The following TMEM178B variants were observed in gnomAD, a reference collection of about 807,000 sequenced individuals.
TMEM178B encodes the protein transmembrane protein 178B.
A neutral mutation model predicts 31.0 loss-of-function variants in TMEM178B; 5 were observed. The observed-to-expected ratio is 0.16, with a 90% CI of 0.08 to 0.34. The LOEUF (loss-of-function observed/expected upper bound fraction) is 0.34, where lower values mean the gene tolerates loss of function less well. Ranked by LOEUF, TMEM178B falls within the 10% of genes least tolerant of loss-of-function variation. The pLI is 1.00. For missense variants in TMEM178B, 275 were observed against 400.3 expected (o/e 0.69, Z 2.67); for synonymous variants, 164 against 164.0 (o/e 1.00, Z 0.00).
At chr7:141,134,288 TG>T (rs1327010348) in intron 1 of TMEM178B, among the ~76,000 whole-genome samples, 6 of 151,422 alleles carry the variant, frequency 4.0e-5, no homozygotes, top group African/African-American at 1.5e-4. Context: ...AACACAACAA[TG>T]TGCAGAAAGG....
chr7:141,384,139 T>C lies in TMEM178B; in HGVS notation c.497-53469T>C, dbSNP rs191878055. On this transcript the variant is annotated intron_variant, in intron 2 of 3. Transcript: ENST00000565468. ...ATTAGCCCTTTGTCAGACGAGTAGA[T>C]TGCAAAAATTTTCTCCCATTTTGTA... Among the ~76,000 whole-genome samples the C allele has an allele frequency of 1.4e-3, 216 of 152,322 alleles. 1 individual carries two copies. The highest frequency in any genetic ancestry group is 2.4e-3 in the Non-Finnish European group (166 of 68,028).
chr7:141,100,481 A>C (rs1795038130), intron 1 of TMEM178B, among the ~76,000 whole-genome samples: 1 of 152,206 alleles, frequency 6.6e-6, no homozygotes, highest in Non-Finnish European at 1.5e-5. Flanking sequence ...TTTGTGGAGG[A>C]GAGACAGGAA....
At chr7:141,424,245 A>G (rs774425782) in intron 2 of TMEM178B, among the ~76,000 whole-genome samples, 2 of 152,202 alleles carry the variant, frequency 1.3e-5, no homozygotes, top group African/African-American at 4.8e-5. Flanking sequence ...AAAGCATCAC[A>G]TGCAAAAAAG....
chr7:141,169,491 C>T (rs572014125), intron 1 of TMEM178B, among the ~76,000 whole-genome samples: 27 of 152,302 alleles, frequency 1.8e-4, no homozygotes, highest in African/African-American at 5.5e-4. Context: ...TTGTGAATCA[C>T]TATTCACAAT....
At chr7:141,176,221 G>A (rs1796431536) in intron 1 of TMEM178B, among the ~76,000 whole-genome samples, 1 of 152,146 alleles carries the variant, frequency 6.6e-6, no homozygotes, top group African/African-American at 2.4e-5. Flanking sequence ...ATAATCATGT[G>A]GTTTTTGTCA....
intron 2 of TMEM178B, among the ~76,000 whole-genome samples, chr7:141,289,491 A>C (rs1662234603): frequency 6.6e-6 from 1 of 152,094 alleles, no homozygotes; most frequent in South Asian, 2.1e-4. Context: ...CGAGGCAGGC[A>C]GATCACATGA....
intron 2 of TMEM178B, among the ~76,000 whole-genome samples, chr7:141,385,114 G>T (rs1331399614): frequency 2.0e-5 from 3 of 152,140 alleles, no homozygotes; most frequent in Non-Finnish European, 4.4e-5. Context: ...AATGTATGTG[G>T]CTTTTAGGTC....
intron 2 of TMEM178B, among the ~76,000 whole-genome samples, chr7:141,289,795 A>G (rs1439302026): frequency 6.6e-6 from 1 of 151,954 alleles, no homozygotes; most frequent in African/African-American, 2.4e-5. Context: ...GGGCTCCCAC[A>G]CAAGGAGAGC....
chr7:141,343,828 C>T (rs146356384), intron 2 of TMEM178B, among the ~76,000 whole-genome samples: 76 of 152,214 alleles, frequency 5.0e-4, no homozygotes, highest in African/African-American at 1.8e-3. Flanking sequence ...GGATTACAGG[C>T]GTGAGCCACC....
intron 1 of TMEM178B, among the ~76,000 whole-genome samples, chr7:141,147,675 G>A (rs1209578569): frequency 6.6e-6 from 1 of 152,286 alleles, no homozygotes; most frequent in African/African-American, 2.4e-5. Context: ...GGAGCCCCAC[G>A]TGGGAGAATG....
At chr7:141,172,020 G>T (rs1440863489) in intron 1 of TMEM178B, among the ~76,000 whole-genome samples, 2 of 152,184 alleles carry the variant, frequency 1.3e-5, no homozygotes, top group Non-Finnish European at 2.9e-5. Flanking sequence ...ACCGTAGTAG[G>T]TGCTTGATAC....
intron 1 of TMEM178B, among the ~76,000 whole-genome samples, chr7:141,153,714 C>G (rs931230278): frequency 6.6e-6 from 1 of 152,002 alleles, no homozygotes. Context: ...ATGTATTGGT[C>G]ACTTGTTTTT....
chr7:141,403,970 C>G (rs981358148), intron 2 of TMEM178B, among the ~76,000 whole-genome samples: 11 of 152,292 alleles, frequency 7.2e-5, no homozygotes, highest in Non-Finnish European at 1.6e-4. Context: ...TGTTAGTTTT[C>G]TAGGGCTGCC....
intron 2 of TMEM178B, among the ~76,000 whole-genome samples, chr7:141,394,658 A>G (rs1800605836): frequency 6.6e-6 from 1 of 152,200 alleles, no homozygotes; most frequent in Non-Finnish European, 1.5e-5. Flanking sequence ...ACAGTCCCTG[A>G]CATAGATATC....
intron 1 of TMEM178B, among the ~76,000 whole-genome samples, chr7:141,183,700 C>T (rs1796565699): frequency 6.6e-6 from 1 of 152,224 alleles, no homozygotes; most frequent in African/African-American, 2.4e-5. Flanking sequence ...CATTTTCTTA[C>T]TTTTCTCAAC....
chr7:141,495,531 A>C, the TMEM178B span, among the ~76,000 whole-genome samples: 1 of 152,200 alleles, frequency 6.6e-6, no homozygotes, highest in Non-Finnish European at 1.5e-5. Context: ...TTAGAGGACA[A>C]CTTGACAATA....
chr7:141,433,022 A>C (rs1801465326), intron 2 of TMEM178B, among the ~76,000 whole-genome samples: 1 of 152,234 alleles, frequency 6.6e-6, no homozygotes, highest in African/African-American at 2.4e-5. Context: ...AGCTGGGATC[A>C]ATGCTAAAAC....
At chr7:141,305,450 T>C (rs920898994) in intron 2 of TMEM178B, among the ~76,000 whole-genome samples, 2 of 151,618 alleles carry the variant, frequency 1.3e-5, no homozygotes, top group Admixed American at 1.3e-4. Flanking sequence ...TTTTTTGAGA[T>C]GGAGTCTCAC....
At chr7:141,224,647 G>C (rs961062339) in intron 2 of TMEM178B, among the ~76,000 whole-genome samples, 2 of 152,188 alleles carry the variant, frequency 1.3e-5, no homozygotes, top group Non-Finnish European at 2.9e-5. Flanking sequence ...ATTTACCCAA[G>C]CCAACTCTGG....
Sources: allele counts gnomAD v4.1 joint callset (sites outside exome capture counted in the v4.1 genomes callset), GRCh38; gene constraint gnomAD v4.1.1; transcripts MANE v1.5; gene names NCBI Gene and HGNC (gene_info 2026-07-23, HGNC 2026-07-21).